AP3B1: variants seen among roughly 807,000 people sequenced by gnomAD.
AP3B1 encodes adaptor related protein complex 3 subunit beta 1.
Under a neutral mutation model 132.5 loss-of-function variants are expected in AP3B1, and 61 were observed. The observed-to-expected ratio is 0.46, with a 90% CI of 0.37 to 0.57. The LOEUF is 0.57. AP3B1 is among the 20% of genes least tolerant of loss of function. The pLI is 0.00. For missense variants in AP3B1, 1,120 were observed against 1,289.4 expected (o/e 0.87, Z 2.01); for synonymous variants, 388 against 438.3 (o/e 0.89, Z 1.43).
chr5:78,109,072 T>A (rs1421747653), intron 20 of AP3B1, among the ~76,000 whole-genome samples: 1 of 152,148 alleles, frequency 6.6e-6, no homozygotes, highest in Non-Finnish European at 1.5e-5. Flanking sequence ...TGAGAGTACA[T>A]CAGACTCACT....
chr5:78,136,430 G>A (rs1046051677), intron 15 of AP3B1, among the ~76,000 whole-genome samples: 1 of 152,068 alleles, frequency 6.6e-6, no homozygotes, highest in Non-Finnish European at 1.5e-5. Flanking sequence ...GAAATACTAG[G>A]TGAAGGCATA....
At chr5:78,160,783 T>A (rs1383455349) in intron 13 of AP3B1, among the ~76,000 whole-genome samples, 1 of 152,006 alleles carries the variant, frequency 6.6e-6, no homozygotes, top group Non-Finnish European at 1.5e-5. Context: ...ATGTTAAAGT[T>A]AAAAATACTA....
chr5:78,193,770 A>ATATATATATTTTTTTTTTTTT, intron 7 of AP3B1, among the ~76,000 whole-genome samples: 7 of 67,200 alleles, frequency 1.0e-4, no homozygotes, highest in Admixed American at 7.0e-4. Flanking sequence ...ATATATATAT[A>ATATATATATTTTTTTTTTTTT]TTTTTTTTTT....
chr5:78,113,872 C>G lies in AP3B1; in HGVS notation c.2129G>C (p.Gly710Ala), dbSNP rs777032367. 6.2e-7 allele frequency: 1 copy of G among 1,614,234 alleles called. No individual in the cohort carries two copies. Among genetic ancestry groups the G allele is most frequent in the Admixed American group, 1.7e-5 (1 of 60,030 alleles). ...CTCACTGCTGTCCTCATTGCTGTCT[C>G]CTTCCTCCCCACTTTCGCCTTGTTC... Reference protein sequence around the residue: ...SGEQGESGEEGDSNEDSSEDS... With the variant: ...SGEQGESGEEADSNEDSSEDS... The change falls in exon 19 of 27, where the codon GGA becomes GCA. Residue 710 changes from glycine (G) to alanine (A), a missense_variant. Gly to Ala is a moderately conservative substitution (Grantham distance 60). Around this residue, in one of 3 missense-constraint regions of AP3B1, gnomAD observed 906 missense variants for 997.1 expected, o/e 0.91. Coordinates refer to ENST00000255194, the MANE Select transcript of AP3B1 (RefSeq NM_003664.5).
At chr5:78,145,971 T>C (rs1753373344) in intron 14 of AP3B1, among the ~76,000 whole-genome samples, 1 of 152,176 alleles carries the variant, frequency 6.6e-6, no homozygotes, top group Non-Finnish European at 1.5e-5. Flanking sequence ...TCCTTAGATA[T>C]TGGACAGACT....
intron 3 of AP3B1, among the ~76,000 whole-genome samples, chr5:78,233,861 T>C (rs921522392): frequency 6.6e-6 from 1 of 152,110 alleles, no homozygotes; most frequent in Non-Finnish European, 1.5e-5. Context: ...AACTACTACA[T>C]GTTGTGGCCT....
At chr5:78,060,517 T>C (rs1464030048) in intron 22 of AP3B1, among the ~76,000 whole-genome samples, 1 of 152,142 alleles carries the variant, frequency 6.6e-6, no homozygotes, top group African/African-American at 2.4e-5. Flanking sequence ...TAAAAGAATG[T>C]TTTCTCTGTG....
chr5:78,126,056 T>C (rs539076936), intron 17 of AP3B1, among the ~76,000 whole-genome samples: 1 of 151,322 alleles, frequency 6.6e-6, no homozygotes, highest in South Asian at 2.1e-4. Context: ...AGGATGGTTC[T>C]ACTTGGGCTA....
At chr5:78,251,158 G>A (rs1189710330) in intron 2 of AP3B1, among the ~76,000 whole-genome samples, 5 of 152,102 alleles carry the variant, frequency 3.3e-5, no homozygotes, top group African/African-American at 2.4e-5. Flanking sequence ...AACACAGACC[G>A]TATCTTGAAT....
chr5:78,038,469 G>T (rs761086109), intron 23 of AP3B1, among the ~76,000 whole-genome samples: 1 of 151,928 alleles, frequency 6.6e-6, no homozygotes, highest in Admixed American at 6.6e-5. Context: ...AAAAATAATC[G>T]CAAAAAAATC....
At chr5:78,182,812 G>A (rs928981015) in intron 7 of AP3B1, among the ~76,000 whole-genome samples, 55 of 152,312 alleles carry the variant, frequency 3.6e-4, no homozygotes, top group Non-Finnish European at 1.8e-4. Context: ...GTAATGAGAT[G>A]CCCCAACCAC....
chr5:78,010,190 A>T (rs376819497), intron 26 of AP3B1, among the ~76,000 whole-genome samples: 2 of 152,226 alleles, frequency 1.3e-5, no homozygotes, highest in South Asian at 4.1e-4. Flanking sequence ...TAAACCAAAC[A>T]TCTCATCTAC....
intron 1 of AP3B1, among the ~76,000 whole-genome samples, chr5:78,276,334 C>T (rs149471212): frequency 1.3e-5 from 2 of 152,234 alleles, no homozygotes; most frequent in South Asian, 4.1e-4. Flanking sequence ...TCCAAAAATG[C>T]TAGGATTGCA....
At chr5:78,057,380 G>T (rs775405657) in intron 22 of AP3B1, among the ~76,000 whole-genome samples, 1 of 152,074 alleles carries the variant, frequency 6.6e-6, no homozygotes, top group Non-Finnish European at 1.5e-5. Flanking sequence ...GAAGTCGCCC[G>T]TTTGGTTTAA....
rs1747940310 is a variant in AP3B1 at position 78,039,127 on chromosome 5, T to C, written c.2725A>G (p.Thr909Ala). 1 of 1,613,656 alleles carries C rather than the reference T, an allele frequency of 6.2e-7. No individual in the cohort carries two copies. ...MVSIQITLNN[T>A]TDRKIENIHI... is the part of the protein sequence containing the mutation. ...ATATTTTCTATCTTTCGATCAGTAGTGTTATTCAGTGTTATTTGTATAGAG... is the reference window on the plus strand; with the variant it reads ...ATATTTTCTATCTTTCGATCAGTAGCGTTATTCAGTGTTATTTGTATAGAG... Residue 909 changes from threonine (T) to alanine (A), a missense_variant, in exon 23 of 27, where the codon ACT (threonine) becomes GCT (alanine). Thr to Ala is a moderately conservative substitution (Grantham distance 58). This residue lies in a region of AP3B1 where 906 missense variants were observed against 997.1 expected (regional missense o/e 0.91). Transcript: ENST00000255194.
chr5:78,124,350 TA>T (rs2112289886), intron 17 of AP3B1, among the ~76,000 whole-genome samples: 1 of 152,060 alleles, frequency 6.6e-6, no homozygotes, highest in Admixed American at 6.5e-5. Context: ...AATAATAAAA[TA>T]AAAATTAAAC....
chr5:78,018,424 T>TATTAATCTAAA (rs1746945621), intron 25 of AP3B1, among the ~76,000 whole-genome samples: 1 of 151,986 alleles, frequency 6.6e-6, no homozygotes, highest in Non-Finnish European at 1.5e-5. Flanking sequence ...TTTTAAAAAA[T>TATTAATCTAAA]ATTAATCTAA....
intron 7 of AP3B1, among the ~76,000 whole-genome samples, chr5:78,193,770 A>ATATATATTTTT: frequency 1.5e-5 from 1 of 67,214 alleles, no homozygotes; most frequent in African/African-American, 5.2e-5. Context: ...ATATATATAT[A>ATATATATTTTT]TTTTTTTTTT....
intron 23 of AP3B1, among the ~76,000 whole-genome samples, chr5:78,038,484 A>G (rs548400039): frequency 4.1e-4 from 63 of 152,296 alleles, no homozygotes; most frequent in African/African-American, 1.4e-3. Flanking sequence ...AAAATCTCAT[A>G]ATGTTTTAAG....
Sources: allele counts gnomAD v4.1 joint callset (sites outside exome capture counted in the v4.1 genomes callset), GRCh38; gene constraint gnomAD v4.1.1; regional missense constraint gnomAD v4.1.1; transcripts MANE v1.5; gene names NCBI Gene and HGNC (gene_info 2026-07-23, HGNC 2026-07-21).